ZNF248: variants seen among roughly 807,000 people sequenced by gnomAD.
The protein encoded by ZNF248 is zinc finger protein 248.
A neutral mutation model predicts 44.3 loss-of-function variants in ZNF248; 20 were observed. That is an observed-to-expected ratio of 0.45 (90% CI 0.32 to 0.66). The LOEUF is 0.66. ZNF248 is among the 30% of genes least tolerant of loss of function. ZNF248 has a pLI of 0.04. For synonymous variants in ZNF248, 224 were observed against 229.0 expected (o/e 0.98, Z 0.20); for missense variants, 654 against 677.0 (o/e 0.97, Z 0.38).
At chr10:37,845,590 A>T (rs1005907820) in intron 3 of ZNF248, among the ~76,000 whole-genome samples, 1 of 152,164 alleles carries the variant, frequency 6.6e-6, no homozygotes, top group South Asian at 2.1e-4. Flanking sequence ...CAAAAATAAA[A>T]GTTTAAGATT....
Position 37,829,914 on chromosome 10 carries a change from T to G in ZNF248, c.*1701A>C, listed in dbSNP as rs2055165687. The stretch of plus-strand genomic sequence containing the variant: ...ATCTGGACTTACCACCTAAGTCATC[T>G]GGGAGAAGGATGCACAAAAATATAA... On this transcript the variant is annotated 3_prime_UTR_variant, in exon 6 of 6. Transcript: ENST00000395867. The G allele has an allele frequency of 2.0e-6, 2 of 985,292 alleles. No individual in the cohort carries two copies. The highest frequency in any genetic ancestry group is 1.2e-6 in the Non-Finnish European group (1 of 829,940). 61.0% of individuals were successfully genotyped at this position (985,292 alleles called of 1,614,324 possible).
the ZNF248 span, among the ~76,000 whole-genome samples, chr10:37,770,623 A>G: frequency 2.0e-5 from 3 of 152,234 alleles, no homozygotes; most frequent in African/African-American, 7.2e-5. Context: ...AAATTAATTC[A>G]AGATGGATTA....
chr10:37,793,710 C>G (rs564996764), intron 6 of ZNF248, among the ~76,000 whole-genome samples: 1 of 152,156 alleles, frequency 6.6e-6, no homozygotes, highest in Admixed American at 6.5e-5. Flanking sequence ...TCTCAGAGAC[C>G]TTATATGTTT....
chr10:37,852,733 G>A (rs1350743453), intron 3 of ZNF248, among the ~76,000 whole-genome samples: 6 of 149,232 alleles, frequency 4.0e-5, no homozygotes, highest in Non-Finnish European at 7.4e-5. Flanking sequence ...ATTTATATAT[G>A]TAATTATATA....
At chr10:37,774,486 G>T (rs2046428289), downstream of ZNF248, among the ~76,000 whole-genome samples, 1 of 152,120 alleles carries the variant, frequency 6.6e-6, no homozygotes, top group African/African-American at 2.4e-5. Context: ...AATCTGTCAA[G>T]AAAAATAGGG....
chr10:37,807,592 T>C (rs540250204), intron 6 of ZNF248, among the ~76,000 whole-genome samples: 2 of 152,344 alleles, frequency 1.3e-5, no homozygotes, highest in South Asian at 2.1e-4. Flanking sequence ...ATTTACTCTT[T>C]AATGCATTTC....
At chr10:37,806,168 A>G (rs1308415108) in intron 6 of ZNF248, among the ~76,000 whole-genome samples, 1 of 152,218 alleles carries the variant, frequency 6.6e-6, no homozygotes, top group East Asian at 1.9e-4. Context: ...TGCCATAAAC[A>G]TGGGTGTGAA....
chr10:37,790,043 C>G (rs1257550746), intron 6 of ZNF248, among the ~76,000 whole-genome samples: 1 of 149,886 alleles, frequency 6.7e-6, no homozygotes, highest in Non-Finnish European at 1.5e-5. Flanking sequence ...GGGCGGATCA[C>G]AAGGTCAGGA....
Position 37,857,505 on chromosome 10 carries a change from T to G in ZNF248, c.-446A>C, listed in dbSNP as rs1401294465. 3.9e-5 allele frequency: 6 copies of G among 152,250 alleles called. No homozygotes were observed. Among genetic ancestry groups the G allele is most frequent in the Non-Finnish European group, 7.3e-5 (5 of 68,090 alleles). 9.4% of individuals were successfully genotyped at this position (152,250 alleles called of 1,614,324 possible). Reference sequence around the variant, plus strand: ...TCAAAACAACCCCAGGCGGCAAGTATTCCTAATATCCGTAATTTACAGAGA... The same window carrying G: ...TCAAAACAACCCCAGGCGGCAAGTAGTCCTAATATCCGTAATTTACAGAGA... On this transcript the variant is annotated 5_prime_UTR_variant, in exon 1 of 6. Coordinates refer to ENST00000395867, the MANE Select transcript of ZNF248 (RefSeq NM_021045.3).
chr10:37,778,358 C>A (rs1456722363), intron 6 of ZNF248, among the ~76,000 whole-genome samples: 1 of 152,084 alleles, frequency 6.6e-6, no homozygotes, highest in Non-Finnish European at 1.5e-5. Context: ...CTGTTCATGT[C>A]CTTTGCCCAC....
chr10:37,799,804 T>C (rs1229178610), intron 6 of ZNF248, among the ~76,000 whole-genome samples: 1 of 152,202 alleles, frequency 6.6e-6, no homozygotes, highest in Non-Finnish European at 1.5e-5. Context: ...CTAGGGTTGG[T>C]TGCAACTGGT....
intron 3 of ZNF248, among the ~76,000 whole-genome samples, chr10:37,843,117 T>C (rs1371157941): frequency 6.6e-6 from 1 of 152,080 alleles, no homozygotes. Context: ...GAGACTTCAG[T>C]GTCACATATA....
chr10:37,766,175 G>C, the ZNF248 span, among the ~76,000 whole-genome samples: 2 of 152,208 alleles, frequency 1.3e-5, no homozygotes, highest in Admixed American at 6.5e-5. Flanking sequence ...GGCTCCACCT[G>C]TGGGGGCAGG....
chr10:37,826,636 GA>G (rs1441056919), downstream of ZNF248, among the ~76,000 whole-genome samples: 1 of 152,078 alleles, frequency 6.6e-6, no homozygotes, highest in African/African-American at 2.4e-5. Context: ...AATCATCTGA[GA>G]AAACTAAAAA....
chr10:37,800,922 C>T (rs1774638452), intron 6 of ZNF248, among the ~76,000 whole-genome samples: 1 of 151,938 alleles, frequency 6.6e-6, no homozygotes, highest in Admixed American at 6.6e-5. Context: ...CCACTACACC[C>T]AGCTAATTTT....
chr10:37,801,427 T>C (rs1157823932), intron 6 of ZNF248, among the ~76,000 whole-genome samples: 1 of 150,520 alleles, frequency 6.6e-6, no homozygotes, highest in African/African-American at 2.4e-5. Flanking sequence ...TTTTAAAAAA[T>C]CAATTACAAA....
At chr10:37,841,187 T>C (rs1263722597) in intron 3 of ZNF248, among the ~76,000 whole-genome samples, 3 of 152,202 alleles carry the variant, frequency 2.0e-5, no homozygotes, top group African/African-American at 7.2e-5. Flanking sequence ...TTAAAATTTT[T>C]ACCTGAATGT....
the ZNF248 span, among the ~76,000 whole-genome samples, chr10:37,770,137 T>G: frequency 3.6e-4 from 55 of 152,284 alleles, 1 homozygote; most frequent in South Asian, 0.011. Flanking sequence ...TACAAACAAA[T>G]GGAGGAACAT....
intron 6 of ZNF248, among the ~76,000 whole-genome samples, chr10:37,806,197 C>T (rs1431352025): frequency 6.6e-6 from 1 of 152,154 alleles, no homozygotes; most frequent in African/African-American, 2.4e-5. Context: ...TCAGACTCTG[C>T]TTTCAATTAT....
Sources: allele counts gnomAD v4.1 joint callset (sites outside exome capture counted in the v4.1 genomes callset), GRCh38; gene constraint gnomAD v4.1.1; transcripts MANE v1.5; gene names NCBI Gene and HGNC (gene_info 2026-07-23, HGNC 2026-07-21).